Variants in GCNT1 observed in about 807,000 individuals in gnomAD.
The protein encoded by GCNT1 is beta-1,3-galactosyl-O-glycosyl-glycoprotein beta-1,6-N-acetylglucosaminyltransferase.
In GCNT1, 16 loss-of-function variants were observed where a neutral mutation model predicts 26.2. The observed-to-expected ratio is 0.61, with a 90% CI of 0.41 to 0.93. The LOEUF is 0.93. Among genes scored for constraint, GCNT1 ranks in the 40% least tolerant of loss-of-function variants. GCNT1 has a pLI of 0.00. For synonymous variants in GCNT1, 183 were observed against 190.8 expected, an observed-to-expected ratio of 0.96 and a Z score of 0.34; for missense variants, 477 against 526.7, an observed-to-expected ratio of 0.91 and a Z score of 0.92.
In GCNT1 at chr9:76,464,654, TC is replaced by T. The variant is rs1342782889; in HGVS notation, c.-290+4480del. On this transcript the variant is annotated intron_variant, in intron 2 of 3. Coordinates refer to ENST00000376730, the MANE Select transcript of GCNT1 (RefSeq NM_001490.5). ...TTGAACTCCTAGGCTCAAGTGATCCTCCCACTTCAGCCTCTCAAGTAGTTGA... is the reference window on the plus strand; with the variant it reads ...TTGAACTCCTAGGCTCAAGTGATCCTCCACTTCAGCCTCTCAAGTAGTTGA... Among the ~76,000 whole-genome samples the T allele has an allele frequency of 4.6e-5, 7 of 152,256 alleles. No individual in the cohort carries two copies. In the East Asian group the frequency reaches 7.7e-4, roughly 17 times the overall value.
At chr9:76,479,509 C>G (rs1824358970) in intron 2 of GCNT1, among the ~76,000 whole-genome samples, 1 of 152,216 alleles carries the variant, frequency 6.6e-6, no homozygotes. Flanking sequence ...TCTCCACATC[C>G]TCTCCAGCAC....
At chr9:76,429,810 G>A (rs1416039080) in intron 1 of GCNT1, among the ~76,000 whole-genome samples, 1 of 150,730 alleles carries the variant, frequency 6.6e-6, no homozygotes, top group Non-Finnish European at 1.5e-5. Context: ...CGCCTCCCGG[G>A]TTCCTGCCAT....
chr9:76,464,589 T>A (rs536324740), intron 2 of GCNT1, among the ~76,000 whole-genome samples: 4 of 152,030 alleles, frequency 2.6e-5, no homozygotes, highest in South Asian at 4.1e-4. Context: ...CAGGTTGGAG[T>A]GCAGTGGCTA....
chr9:76,466,710 C>T (rs146834344), intron 2 of GCNT1, among the ~76,000 whole-genome samples: 194 of 152,200 alleles, frequency 1.3e-3, no homozygotes, highest in African/African-American at 4.5e-3. Flanking sequence ...AGAATTTGGT[C>T]TTTGATGGAA....
chr9:76,428,690 G>T (rs1446542196), intron 1 of GCNT1, among the ~76,000 whole-genome samples: 1 of 146,020 alleles, frequency 6.8e-6, no homozygotes, highest in African/African-American at 2.5e-5. Flanking sequence ...CGTAGCTGTT[G>T]CGTATTCTAT....
At chr9:76,454,597 G>A (rs1823722994), upstream of GCNT1, among the ~76,000 whole-genome samples, 1 of 151,500 alleles carries the variant, frequency 6.6e-6, no homozygotes, top group Non-Finnish European at 1.5e-5. Context: ...TCCCCACGTG[G>A]TGAGGGAGGG....
the GCNT1 span, among the ~76,000 whole-genome samples, chr9:76,406,542 A>C: frequency 6.6e-6 from 1 of 150,456 alleles, no homozygotes; most frequent in South Asian, 2.1e-4. Context: ...AAAATTGGCT[A>C]GGCGTGGTGG....
intron 1 of GCNT1, among the ~76,000 whole-genome samples, chr9:76,445,938 T>A (rs1823570773): frequency 6.6e-6 from 1 of 152,058 alleles, no homozygotes; most frequent in African/African-American, 2.4e-5. Context: ...TGTGGTCAAT[T>A]ACACCACTGG....
At chr9:76,457,224 G>T (rs1480056299), upstream of GCNT1, among the ~76,000 whole-genome samples, 1 of 152,096 alleles carries the variant, frequency 6.6e-6, no homozygotes, top group Non-Finnish European at 1.5e-5. Flanking sequence ...ATTGCAAACA[G>T]CCAGCTATAT....
intron 2 of GCNT1, among the ~76,000 whole-genome samples, chr9:76,475,582 G>A (rs1824236654): frequency 6.6e-6 from 1 of 152,176 alleles, no homozygotes; most frequent in South Asian, 2.1e-4. Flanking sequence ...CCACGGAGTA[G>A]TGTGGGAGAC....
upstream of GCNT1, among the ~76,000 whole-genome samples, chr9:76,458,228 G>C (rs562835221): frequency 6.5e-3 from 882 of 135,086 alleles, 3 homozygotes; most frequent in Non-Finnish European, 0.01. Context: ...TGTTGCCCAG[G>C]CTGGAGTGCA....
intron 1 of GCNT1, among the ~76,000 whole-genome samples, chr9:76,444,125 G>C (rs573704699): frequency 2.0e-5 from 3 of 152,312 alleles, no homozygotes; most frequent in South Asian, 2.1e-4. Flanking sequence ...CGGGAGAAAA[G>C]TGGGAGAAGC....
chr9:76,417,029 C>G (rs1823139071), upstream of GCNT1, among the ~76,000 whole-genome samples: 1 of 152,116 alleles, frequency 6.6e-6, no homozygotes, highest in East Asian at 1.9e-4. Flanking sequence ...CACACTCCAG[C>G]CTGGGTGACA....
upstream of GCNT1, among the ~76,000 whole-genome samples, chr9:76,419,314 A>G (rs940619212): frequency 6.6e-6 from 1 of 152,202 alleles, no homozygotes; most frequent in African/African-American, 2.4e-5. Context: ...AGCTAATACC[A>G]TGTCTGGCAC....
At chr9:76,399,185 T>C in the GCNT1 span, 1 of 1,481,382 alleles carries the variant, frequency 6.8e-7, no homozygotes, top group Non-Finnish European at 9.3e-7. Flanking sequence ...TGCCATCCCA[T>C]GCAACAACAA....
intron 2 of GCNT1, among the ~76,000 whole-genome samples, chr9:76,476,448 A>G (rs553386970): frequency 1.3e-5 from 2 of 152,172 alleles, no homozygotes; most frequent in African/African-American, 4.8e-5. Flanking sequence ...AGAGAAAAAG[A>G]AAAAAGTCCA....
chr9:76,498,021 C>T (rs1055167838), intron 2 of GCNT1, among the ~76,000 whole-genome samples: 3 of 152,208 alleles, frequency 2.0e-5, no homozygotes, highest in Non-Finnish European at 4.4e-5. Context: ...CTGGCAGACA[C>T]TCATCTACTT....
intron 2 of GCNT1, among the ~76,000 whole-genome samples, chr9:76,473,334 A>G (rs1253755508): frequency 6.6e-6 from 1 of 152,172 alleles, no homozygotes; most frequent in Non-Finnish European, 1.5e-5. Flanking sequence ...TTCTCCCCAG[A>G]GCCTAGGAAT....
chr9:76,406,072 G>T, the GCNT1 span, among the ~76,000 whole-genome samples: 1 of 152,182 alleles, frequency 6.6e-6, no homozygotes, highest in Non-Finnish European at 1.5e-5. Context: ...CAGTGTTCTG[G>T]ATTTGGGCCC....
Sources: allele counts gnomAD v4.1 joint callset (sites outside exome capture counted in the v4.1 genomes callset), GRCh38; gene constraint gnomAD v4.1.1; transcripts MANE v1.5; gene names NCBI Gene and HGNC (gene_info 2026-07-23, HGNC 2026-07-21).